Variants in OSBP2 observed in about 807,000 individuals in gnomAD.
OSBP2 encodes the protein oxysterol binding protein 2, also known as oxysterol-binding protein 2.
Under a neutral mutation model 96.0 loss-of-function variants are expected in OSBP2, and 66 were observed. The ratio of observed to expected loss-of-function variants is 0.69; its 90% CI spans 0.56 to 0.84. OSBP2 has a LOEUF of 0.84. OSBP2 is among the 40% of genes least tolerant of loss of function. The pLI, the probability that OSBP2 is intolerant of heterozygous loss-of-function variation, is 0.00. For missense variants in OSBP2, 1,038 were observed against 1,222.7 expected (o/e 0.85, Z 2.25); for synonymous variants, 525 against 520.9 (o/e 1.01, Z -0.11).
At chr22:30,819,390 C>T (rs1202615533) in intron 2 of OSBP2, among the ~76,000 whole-genome samples, 2 of 152,154 alleles carry the variant, frequency 1.3e-5, no homozygotes, top group African/African-American at 2.4e-5. Context: ...GGGGTTCAGA[C>T]TCACGCATAC....
intron 1 of OSBP2, among the ~76,000 whole-genome samples, chr22:30,700,426 C>T (rs1243606209): frequency 6.6e-6 from 1 of 152,036 alleles, no homozygotes; most frequent in Non-Finnish European, 1.5e-5. Context: ...TCTTATCTCA[C>T]AGGGAACACG....
intron 2 of OSBP2, among the ~76,000 whole-genome samples, chr22:30,860,473 G>A (rs1477119332): frequency 6.6e-6 from 1 of 152,226 alleles, no homozygotes; most frequent in Non-Finnish European, 1.5e-5. Context: ...CAGGGCTCAG[G>A]GGAGAAGCTG....
Position 30,871,090 on chromosome 22 carries a change from C to A in OSBP2, c.1107+408C>A, listed in dbSNP as rs115498922. 0.013 allele frequency among the ~76,000 whole-genome samples: 2,019 copies of A among 152,262 alleles called. 33 individuals are homozygous for A. The highest frequency in any genetic ancestry group is 0.042 in the African/African-American group (1,729 of 41,550). ...CCTCCCTGGGTTCACTCCCCAGATG[C>A]AGTGGGAGCAGACGCTGTGCACAAC... On this transcript the variant is annotated intron_variant, in intron 3 of 13. Coordinates refer to ENST00000332585, the MANE Select transcript of OSBP2 (RefSeq NM_030758.4). This position sits in a 1 kb window ranked among gnomAD's most constrained non-coding sequence, Gnocchi z 4.7.
intron 2 of OSBP2, among the ~76,000 whole-genome samples, chr22:30,859,641 TG>T (rs1445556604): frequency 1.3e-5 from 2 of 152,302 alleles, no homozygotes; most frequent in East Asian, 3.9e-4. Context: ...CCCAAAGAGC[TG>T]GTGCCATGGG....
Position 30,695,014 on chromosome 22 carries a change from G to T in OSBP2, c.105G>T (p.Ala35=), listed in dbSNP as rs746845184. The change falls in exon 1 of 14, where the codon GCG becomes GCT. Residue 35 remains alanine (A), a synonymous_variant. Transcript: ENST00000332585. ...TCCCCTGCCTGTCGTGCCACACGGC[G>T]GCGCCGGGCATGAGCGCTTCCACGT... is the stretch of plus-strand genomic sequence containing the variant. The part of the protein sequence containing the change: ...TVVPCLSCHT[A]APGMSASTSG... 1 of 1,581,234 alleles carries T rather than the reference G, an allele frequency of 6.3e-7. No individual in the cohort carries two copies. Among genetic ancestry groups the T allele is most frequent in the South Asian group, 1.1e-5 (1 of 87,496 alleles).
Position 30,890,884 on chromosome 22 carries a change from C to CG in OSBP2, c.1781dup (p.Ile595HisfsTer28). The CG allele has an allele frequency of 1.2e-6, 2 of 1,613,668 alleles. No individual in the cohort carries two copies. Among genetic ancestry groups the CG allele is most frequent in the Non-Finnish European group, 1.7e-6 (2 of 1,180,032 alleles). The stretch of plus-strand genomic sequence containing the variant: ...GTCCTCCTACTCCACCACAGTGCAC[C>CG]GCATCGCCAAGCCCTTCAACCCCAT... On this transcript the variant is annotated frameshift_variant, in exon 8 of 14. Coordinates refer to ENST00000332585, the MANE Select transcript of OSBP2 (RefSeq NM_030758.4). LOFTEE classifies it high-confidence loss of function. The surrounding 1 kb of genome is among the most constrained non-coding windows in gnomAD (Gnocchi z 4.4).
chr22:30,761,151 T>G (rs934551214), intron 2 of OSBP2, among the ~76,000 whole-genome samples: 12 of 152,136 alleles, frequency 7.9e-5, no homozygotes, highest in African/African-American at 2.4e-4. Context: ...GCACTCAGAT[T>G]GGGAAGAAAG....
At chr22:30,693,796 G>C, upstream of OSBP2, 4 of 387,132 alleles carry the variant, frequency 1.0e-5, no homozygotes, top group Non-Finnish European at 1.9e-5. Flanking sequence ...GTGAAACCCC[G>C]TTTCTACTAA....
intron 2 of OSBP2, among the ~76,000 whole-genome samples, chr22:30,850,549 G>C (rs1602355853): frequency 6.6e-6 from 1 of 152,112 alleles, no homozygotes; most frequent in Non-Finnish European, 1.5e-5. Context: ...ACCCAGGCTA[G>C]AGTGCAGTGG....
chr22:30,778,317 A>ACG (rs1555912361), intron 2 of OSBP2, among the ~76,000 whole-genome samples: 36 of 151,670 alleles, frequency 2.4e-4, no homozygotes, highest in African/African-American at 8.7e-4. Context: ...ACACACACAC[A>ACG]CACACACACA....
At chr22:30,727,090 C>G (rs1602177929) in intron 1 of OSBP2, among the ~76,000 whole-genome samples, 1 of 152,146 alleles carries the variant, frequency 6.6e-6, no homozygotes, top group East Asian at 1.9e-4. Context: ...GAGCCCCAGC[C>G]TATGCATGTG....
intron 1 of OSBP2, among the ~76,000 whole-genome samples, chr22:30,733,393 T>C (rs886905637): frequency 5.9e-5 from 9 of 152,234 alleles, no homozygotes; most frequent in Non-Finnish European, 1.3e-4. Context: ...TGGAGAGATC[T>C]GCAGGGGGGA....
At chr22:30,829,013 G>A (rs2038464817) in intron 2 of OSBP2, among the ~76,000 whole-genome samples, 1 of 152,168 alleles carries the variant, frequency 6.6e-6, no homozygotes, top group Admixed American at 6.5e-5. Context: ...GCTTGTGGCT[G>A]TTCACTGTGC....
At chr22:30,779,832 T>C (rs2090491705) in intron 2 of OSBP2, among the ~76,000 whole-genome samples, 1 of 152,122 alleles carries the variant, frequency 6.6e-6, no homozygotes, top group South Asian at 2.1e-4. Context: ...CCTCGGCCCT[T>C]TTGGTGGCTG....
chr22:30,750,133 A>C (rs2090055553), intron 2 of OSBP2, among the ~76,000 whole-genome samples: 1 of 152,174 alleles, frequency 6.6e-6, no homozygotes, highest in African/African-American at 2.4e-5. Context: ...ATTTGGTAGA[A>C]TATTCTGTGG....
chr22:30,717,059 T>C lies in OSBP2; in HGVS notation c.644+21506T>C, dbSNP rs141856453. On this transcript the variant is annotated intron_variant, in intron 1 of 13. Transcript: ENST00000332585. ...TTGTACAGATGTTACATTTAGGCAT[T>C]TAAATCTATTTTGTTTTAATTTTAC... 2.1e-4 allele frequency among the ~76,000 whole-genome samples: 31 copies of C among 150,904 alleles called. 1 individual carries two copies. The East Asian group carries it at 5.7e-3, about 28-fold the overall frequency.
chr22:30,787,819 A>G (rs1170972716), intron 2 of OSBP2, among the ~76,000 whole-genome samples: 1 of 152,280 alleles, frequency 6.6e-6, no homozygotes, highest in Non-Finnish European at 1.5e-5. Context: ...CCATATCACC[A>G]CTGGCTCTCG....
chr22:30,885,711 C>T (rs1034721396), intron 3 of OSBP2, among the ~76,000 whole-genome samples: 6 of 152,234 alleles, frequency 3.9e-5, no homozygotes, highest in African/African-American at 1.4e-4. Flanking sequence ...AACCTGAGGC[C>T]TAACACTGCA....
chr22:30,777,499 AGTC>A (rs1315341325), intron 2 of OSBP2, among the ~76,000 whole-genome samples: 5 of 152,192 alleles, frequency 3.3e-5, no homozygotes, highest in Non-Finnish European at 5.9e-5. Context: ...TGGAGCTGTA[AGTC>A]CATTGAACCT....
Sources: gnomAD v4.1 joint callset for allele counts (sites outside exome capture counted in the v4.1 genomes callset) on GRCh38, gnomAD v4.1.1 for gene constraint, Gnocchi (gnomAD v3.1) non-coding constraint, MANE v1.5 for transcripts, NCBI Gene and HGNC (gene_info 2026-07-23, HGNC 2026-07-21) for gene names.